Variants in PIK3C2G observed in about 807,000 individuals in gnomAD.
PIK3C2G encodes the protein phosphatidylinositol-4-phosphate 3-kinase catalytic subunit type 2 gamma.
PIK3C2G carries 168 observed loss-of-function variants against 181.1 expected under a neutral mutation model. The ratio of observed to expected loss-of-function variants is 0.93; its 90% confidence interval spans 0.82 to 1.05. The LOEUF (loss-of-function observed/expected upper bound fraction) is 1.05. Among genes scored for constraint, PIK3C2G ranks in the 50% least tolerant of loss-of-function variants. The pLI is 0.00. For missense variants in PIK3C2G, 1,869 were observed against 1,732.8 expected, an observed-to-expected ratio of 1.08 and a Z score of -1.40; for synonymous variants, 573 against 592.2, an observed-to-expected ratio of 0.97 and a Z score of 0.47.
At chr12:18,699,832 A>G in the PIK3C2G span, 84 of 1,613,448 alleles carry the variant, frequency 5.2e-5, no homozygotes, top group Admixed American at 5.3e-4. Flanking sequence ...TGTCTCCCCA[A>G]TAGAATTATT....
chr12:18,718,317 C>G, the PIK3C2G span, among the ~76,000 whole-genome samples: 3 of 152,128 alleles, frequency 2.0e-5, no homozygotes, highest in Non-Finnish European at 4.4e-5. Flanking sequence ...CTTCCCAAAT[C>G]ATCTTCTACC....
intron 18 of PIK3C2G, among the ~76,000 whole-genome samples, chr12:18,454,740 T>C (rs1338248430): frequency 1.3e-5 from 2 of 152,198 alleles, no homozygotes; most frequent in African/African-American, 4.8e-5. Context: ...TCAGATTCTA[T>C]TCTACTTCTG....
intron 12 of PIK3C2G, among the ~76,000 whole-genome samples, chr12:18,366,291 C>G (rs1185719204): frequency 5.9e-5 from 9 of 152,132 alleles, no homozygotes; most frequent in Non-Finnish European, 1.3e-4. Context: ...TCCTGTGATC[C>G]CAGCACTTTG....
At chr12:18,281,364 A>C (rs562034040) in intron 1 of PIK3C2G, among the ~76,000 whole-genome samples, 15 of 151,946 alleles carry the variant, frequency 9.9e-5, no homozygotes, top group Admixed American at 7.2e-4. Context: ...GAAAGCAAGA[A>C]ATTTTAAGTA....
intron 15 of PIK3C2G, among the ~76,000 whole-genome samples, chr12:18,393,666 T>C (rs1170642325): frequency 6.6e-6 from 1 of 152,098 alleles, no homozygotes; most frequent in African/African-American, 2.4e-5. Context: ...AGTGCAAGAC[T>C]AACCCCCATG....
chr12:18,655,277 A>G, the PIK3C2G span, among the ~76,000 whole-genome samples: 1 of 152,150 alleles, frequency 6.6e-6, no homozygotes, highest in Non-Finnish European at 1.5e-5. Flanking sequence ...GAAGGAAAAA[A>G]ATATTCCCAA....
At chr12:18,402,905 G>C (rs1944330299) in intron 16 of PIK3C2G, among the ~76,000 whole-genome samples, 1 of 152,058 alleles carries the variant, frequency 6.6e-6, no homozygotes, top group Non-Finnish European at 1.5e-5. Context: ...ACAACCTTAT[G>C]ATGGAAATAC....
chr12:18,501,311 G>A (rs970084175), intron 22 of PIK3C2G, among the ~76,000 whole-genome samples: 3 of 151,626 alleles, frequency 2.0e-5, no homozygotes, highest in African/African-American at 7.3e-5. Flanking sequence ...AAGGTGGCAG[G>A]AAAAAAAGGG....
the PIK3C2G span, chr12:18,683,172 T>A: frequency 2.4e-5 from 32 of 1,345,512 alleles, no homozygotes; most frequent in African/African-American, 3.6e-4. Context: ...AAAGAAAACA[T>A]AAAGACATTC....
intron 31 of PIK3C2G, among the ~76,000 whole-genome samples, chr12:18,633,608 G>A (rs944499432): frequency 6.6e-6 from 1 of 152,144 alleles, no homozygotes; most frequent in Admixed American, 6.5e-5. Context: ...ACTAAGAGTT[G>A]CCCTAAATGA....
intron 29 of PIK3C2G, among the ~76,000 whole-genome samples, chr12:18,575,903 T>G (rs1208555345): frequency 6.6e-6 from 1 of 152,216 alleles, no homozygotes; most frequent in East Asian, 1.9e-4. Flanking sequence ...ACAAAATCAT[T>G]AGCACATACT....
intron 19 of PIK3C2G, among the ~76,000 whole-genome samples, chr12:18,488,919 C>T (rs938109190): frequency 1.1e-4 from 16 of 151,910 alleles, no homozygotes; most frequent in East Asian, 1.9e-4. Context: ...ATAAACTAAT[C>T]GCGTCAATAT....
intron 1 of PIK3C2G, among the ~76,000 whole-genome samples, chr12:18,278,207 T>A (rs1949065837): frequency 6.6e-6 from 1 of 152,206 alleles, no homozygotes. Context: ...TGGGTCCCAC[T>A]GTACTAAGAT....
intron 8 of PIK3C2G, among the ~76,000 whole-genome samples, chr12:18,334,260 G>A (rs779907693): frequency 1.3e-5 from 2 of 152,046 alleles, no homozygotes; most frequent in Non-Finnish European, 2.9e-5. Context: ...TCAACAGGCA[G>A]CCTACGCAGT....
At chr12:18,310,350 C>A (rs953201669) in intron 5 of PIK3C2G, among the ~76,000 whole-genome samples, 2 of 151,848 alleles carry the variant, frequency 1.3e-5, no homozygotes, top group Non-Finnish European at 2.9e-5. Context: ...TAGTGAGAGG[C>A]TACGTAGTTA....
rs145261455 is a variant in PIK3C2G, at chr12:18,498,975, T to C, written c.3016+1227T>C. ...CTAAAATGCTGAAATAGAATAATGC[T>C]ACATAATCCAAGCTGAGATCTTTGA... On this transcript the variant is annotated intron_variant, in intron 22 of 32. Coordinates refer to ENST00000538779, the MANE Select transcript of PIK3C2G (RefSeq NM_001288772.2). Among the ~76,000 whole-genome samples, 487 of 152,338 alleles carry C rather than the reference T, an allele frequency of 3.2e-3. 3 individuals carry two copies. The highest frequency in any genetic ancestry group is 0.011 in the African/African-American group (468 of 41,582).
At chr12:18,436,709 A>T (rs1946468683) in intron 18 of PIK3C2G, among the ~76,000 whole-genome samples, 1 of 151,996 alleles carries the variant, frequency 6.6e-6, no homozygotes, top group Admixed American at 6.6e-5. Context: ...ATATTACAAA[A>T]GATGTATTTT....
At chr12:18,688,016 T>C in the PIK3C2G span, 1 of 1,572,836 alleles carries the variant, frequency 6.4e-7, no homozygotes, top group East Asian at 2.3e-5. Context: ...ACAAAAACTC[T>C]ATCAACATAT....
At chr12:18,492,918 G>A (rs1297640401) in intron 20 of PIK3C2G, 3 of 152,288 alleles carry the variant, frequency 2.0e-5, no homozygotes, top group South Asian at 2.1e-4. Context: ...TGCAGAAGCT[G>A]TCCCAAGTAG....
Sources: gnomAD v4.1 joint callset for allele counts (sites outside exome capture counted in the v4.1 genomes callset) on GRCh38, gnomAD v4.1.1 for gene constraint, MANE v1.5 for transcripts, NCBI Gene and HGNC (gene_info 2026-07-23, HGNC 2026-07-21) for gene names.